The following FIGN variants were observed in gnomAD, a reference collection of about 807,000 sequenced individuals.
FIGN encodes the protein fidgetin.
In FIGN, 11 loss-of-function variants were observed where a neutral mutation model predicts 51.3. That is an observed-to-expected ratio of 0.21 (90% CI 0.13 to 0.35). FIGN has a LOEUF of 0.35. Among genes scored for constraint, FIGN ranks in the 10% least tolerant of loss-of-function variants. The probability of loss-of-function intolerance (pLI) is 1.00; values close to 1 mark genes in which losing one functional copy is unlikely to be tolerated. For missense variants in FIGN, 857 were observed against 943.6 expected (o/e 0.91, Z 1.20); for synonymous variants, 407 against 363.2 (o/e 1.12, Z -1.37).
intron 2 of FIGN, among the ~76,000 whole-genome samples, chr2:163,723,812 A>C (rs1468364950): frequency 6.6e-6 from 1 of 152,216 alleles, no homozygotes; most frequent in Non-Finnish European, 1.5e-5. Flanking sequence ...TCAACTCTTA[A>C]GATATTAGAA....
intron 2 of FIGN, among the ~76,000 whole-genome samples, chr2:163,704,587 T>C (rs1684464115): frequency 6.9e-6 from 1 of 144,600 alleles, no homozygotes; most frequent in Non-Finnish European, 1.5e-5. Context: ...AATATTCCAA[T>C]CTGTCAAATG....
At chr2:163,720,372 A>ATG (rs779628897) in intron 2 of FIGN, among the ~76,000 whole-genome samples, 12 of 152,194 alleles carry the variant, frequency 7.9e-5, no homozygotes, top group Non-Finnish European at 1.6e-4. Context: ...CCACTGAATG[A>ATG]AAACAATTGT....
intron 2 of FIGN, 129 bp downstream of exon 2, chr2:163,734,774 A>G: frequency 1.3e-6 from 1 of 775,824 alleles, no homozygotes; most frequent in Non-Finnish European, 2.0e-6. Context: ...TTAAACATAT[A>G]TTTTTTAAAA....
At chr2:163,689,675 AT>A (rs1178615654) in intron 2 of FIGN, among the ~76,000 whole-genome samples, 1 of 152,176 alleles carries the variant, frequency 6.6e-6, no homozygotes, top group African/African-American at 2.4e-5. Flanking sequence ...AGCAATTTCC[AT>A]TTTGATGGGT....
chr2:163,703,943 C>T (rs1244479631), intron 2 of FIGN, among the ~76,000 whole-genome samples: 3 of 152,048 alleles, frequency 2.0e-5, no homozygotes, highest in African/African-American at 7.2e-5. Flanking sequence ...ACTAATTAGC[C>T]CTCATTCCTA....
At chr2:163,688,865 C>T (rs1292647497) in intron 2 of FIGN, among the ~76,000 whole-genome samples, 1 of 152,080 alleles carries the variant, frequency 6.6e-6, no homozygotes, top group South Asian at 2.1e-4. Flanking sequence ...GCAAATAGCA[C>T]ATCGGATAAT....
At chr2:163,621,205 T>C (rs778384772) in intron 2 of FIGN, among the ~76,000 whole-genome samples, 1 of 152,168 alleles carries the variant, frequency 6.6e-6, no homozygotes, top group Non-Finnish European at 1.5e-5. Flanking sequence ...ACCATTCTCC[T>C]TAAAAACTTT....
chr2:163,660,672 TATATATATATATACACATATAC>T (rs1217809836), intron 2 of FIGN, among the ~76,000 whole-genome samples: 5 of 115,508 alleles, frequency 4.3e-5, no homozygotes, highest in African/African-American at 1.0e-4. Context: ...TACATATACA[TATATATATATATACACATATAC>T]ATATATATGT....
intron 2 of FIGN, among the ~76,000 whole-genome samples, chr2:163,671,304 C>T (rs1310933334): frequency 6.6e-6 from 1 of 152,122 alleles, no homozygotes; most frequent in Non-Finnish European, 1.5e-5. Flanking sequence ...AAGGAATCAA[C>T]CTCTGTGGCA....
intron 2 of FIGN, among the ~76,000 whole-genome samples, chr2:163,638,388 G>A (rs528880819): frequency 2.8e-4 from 43 of 152,132 alleles, no homozygotes; most frequent in African/African-American, 9.2e-4. Flanking sequence ...AGGTTTTAGT[G>A]GGGCTTTACA....
chr2:163,625,526 T>G (rs1428457701), intron 2 of FIGN, among the ~76,000 whole-genome samples: 1 of 151,994 alleles, frequency 6.6e-6, no homozygotes, highest in Non-Finnish European at 1.5e-5. Context: ...AGGGTGGTCA[T>G]GAGAGTTAGC....
At chr2:163,634,471 T>C (rs2105312760) in intron 2 of FIGN, among the ~76,000 whole-genome samples, 1 of 152,154 alleles carries the variant, frequency 6.6e-6, no homozygotes, top group East Asian at 1.9e-4. Context: ...CACCATTTTT[T>C]ATTTCCTGGG....
intron 2 of FIGN, among the ~76,000 whole-genome samples, chr2:163,672,308 T>C (rs1178841599): frequency 1.3e-5 from 2 of 152,040 alleles, no homozygotes; most frequent in African/African-American, 4.8e-5. Flanking sequence ...CTTGATTTCC[T>C]TGCTAAGATT....
At chr2:163,704,064 G>T (rs1684452461) in intron 2 of FIGN, among the ~76,000 whole-genome samples, 1 of 152,016 alleles carries the variant, frequency 6.6e-6, no homozygotes, top group Non-Finnish European at 1.5e-5. Flanking sequence ...TTCCATTCCA[G>T]CTGGCAGAGT....
intron 2 of FIGN, among the ~76,000 whole-genome samples, chr2:163,677,078 T>C (rs1683984562): frequency 6.6e-6 from 1 of 152,230 alleles, no homozygotes; most frequent in African/African-American, 2.4e-5. Flanking sequence ...CTCTTGCACG[T>C]GTACTTTAAG....
At position 163,660,681 on chromosome 2, in the gene FIGN, A is replaced by G. The variant is rs867308542; in HGVS notation, c.26-48875T>C. Reference sequence around the variant, plus strand: ...TATATATACATATACATATATATATATATACACATATACATATATATGTAT... The same window carrying G: ...TATATATACATATACATATATATATGTATACACATATACATATATATGTAT... On this transcript the variant is annotated intron_variant, in intron 2 of 2. Transcript: ENST00000333129. Among the ~76,000 whole-genome samples the G allele has an allele frequency of 1.1e-3, 134 of 122,912 alleles. 8 individuals carry two copies. Among genetic ancestry groups the G allele is most frequent in the African/African-American group, 3.5e-3 (106 of 30,464 alleles). The allele number at this position is 122,912 out of a possible 152,430, so 80.6% of individuals were successfully genotyped here. A position where few individuals can be genotyped will look rare whatever the true frequency, so the allele number is the denominator to read the frequency against.
chr2:163,679,899 C>T (rs533176458), intron 2 of FIGN, among the ~76,000 whole-genome samples: 1 of 152,300 alleles, frequency 6.6e-6, no homozygotes, highest in Middle Eastern at 3.4e-3. Context: ...CTGGAATCAA[C>T]TTCCACATTG....
At chr2:163,645,982 C>A (rs527987978) in intron 2 of FIGN, among the ~76,000 whole-genome samples, 1 of 152,246 alleles carries the variant, frequency 6.6e-6, no homozygotes, top group Admixed American at 6.5e-5. Context: ...TTAAATTGAT[C>A]ACTGTCATGC....
intron 2 of FIGN, among the ~76,000 whole-genome samples, chr2:163,716,021 G>A (rs1448324052): frequency 6.6e-6 from 1 of 152,162 alleles, no homozygotes; most frequent in Non-Finnish European, 1.5e-5. Context: ...TCCCATGAAT[G>A]ATTCCTAGTA....
Sources: gnomAD v4.1 joint callset for allele counts (sites outside exome capture counted in the v4.1 genomes callset) on GRCh38, gnomAD v4.1.1 for gene constraint, MANE v1.5 for transcripts, NCBI Gene and HGNC (gene_info 2026-07-23, HGNC 2026-07-21) for gene names.